The following SAAL1 variants were observed in gnomAD, a reference collection of about 807,000 sequenced individuals.
The protein encoded by SAAL1 is serum amyloid A like 1, also known as protein SAAL1.
In SAAL1, 42 loss-of-function variants were observed where a neutral mutation model predicts 59.8. The ratio of observed to expected loss-of-function variants is 0.70; its 90% CI spans 0.55 to 0.91. The LOEUF (loss-of-function observed/expected upper bound fraction) is 0.91. Among genes scored for constraint, SAAL1 ranks in the 40% least tolerant of loss-of-function variants. SAAL1 has a pLI of 0.00. For missense variants in SAAL1, 542 were observed against 561.1 expected, an observed-to-expected ratio of 0.97 and a Z score of 0.34; for synonymous variants, 191 against 194.3, an observed-to-expected ratio of 0.98 and a Z score of 0.14.
intron 4 of SAAL1, 74 bp downstream of exon 4, chr11:18,092,171 T>C (rs1848529571): frequency 1.3e-6 from 1 of 761,378 alleles, no homozygotes; most frequent in South Asian, 1.8e-5. Context: ...ATTTGCTACT[T>C]TTCCTATGTA....
chr11:18,103,197 C>T lies in SAAL1; in HGVS notation c.249+36G>A, dbSNP rs573081476. On this transcript the variant is annotated intron_variant, in intron 2 of 11. Transcript: ENST00000524803. The stretch of plus-strand genomic sequence containing the variant: ...AAACATTCATTCACCATCTCCTCAC[C>T]CAACAGTCTTCAGAGTTTTGTTTCC... 8.0e-6 allele frequency: 11 copies of T among 1,377,872 alleles called. 1 individual carries two copies. The highest frequency in any genetic ancestry group is 6.7e-5 in the Admixed American group (4 of 59,724). 85.4% of individuals were successfully genotyped at this position (1,377,872 alleles called of 1,614,324 possible).
chr11:18,093,049 T>C (rs1848538373), intron 3 of SAAL1, among the ~76,000 whole-genome samples: 1 of 152,190 alleles, frequency 6.6e-6, no homozygotes, highest in African/African-American at 2.4e-5. Context: ...TCTTGCACCG[T>C]CTCACCCAGG....
chr11:18,093,160 T>C (rs1156614343), intron 3 of SAAL1, among the ~76,000 whole-genome samples: 1 of 152,180 alleles, frequency 6.6e-6, no homozygotes, highest in Non-Finnish European at 1.5e-5. Flanking sequence ...CATCGGGATA[T>C]CTCACAGGGC....
At chr11:18,082,187 A>T (rs944981281) in intron 10 of SAAL1, among the ~76,000 whole-genome samples, 1 of 152,204 alleles carries the variant, frequency 6.6e-6, no homozygotes, top group Non-Finnish European at 1.5e-5. Flanking sequence ...AAAAACAGAA[A>T]CAACAGCAAA....
intron 3 of SAAL1, among the ~76,000 whole-genome samples, chr11:18,094,997 A>G (rs1018207941): frequency 4.6e-5 from 7 of 152,166 alleles, no homozygotes; most frequent in Admixed American, 2.6e-4. Flanking sequence ...AAGATTTTCA[A>G]AAGTTCCCTA....
At chr11:18,086,497 G>C (rs1451269210) in intron 9 of SAAL1, among the ~76,000 whole-genome samples, 1 of 152,064 alleles carries the variant, frequency 6.6e-6, no homozygotes, top group Non-Finnish European at 1.5e-5. Context: ...TCGGGAGTTC[G>C]AGCCCAGCCT....
At chr11:18,101,716 T>C (rs1848635909) in intron 2 of SAAL1, among the ~76,000 whole-genome samples, 1 of 152,036 alleles carries the variant, frequency 6.6e-6, no homozygotes, top group South Asian at 2.1e-4. Context: ...TATACAAAAG[T>C]TCACAACAGC....
intron 2 of SAAL1, among the ~76,000 whole-genome samples, chr11:18,101,243 T>G (rs1848630041): frequency 6.6e-6 from 1 of 151,716 alleles, no homozygotes; most frequent in Admixed American, 6.5e-5. Flanking sequence ...AAGTTAAGCA[T>G]ACACCTACCG....
At chr11:18,096,719 T>C (rs1590289773) in intron 3 of SAAL1, 52 bp downstream of exon 3, 1 of 911,704 alleles carries the variant, frequency 1.1e-6, no homozygotes. Context: ...TATCCAGCAC[T>C]ATCTGTTCTT....
chr11:18,085,967 C>T (rs548157988), intron 9 of SAAL1, among the ~76,000 whole-genome samples: 94 of 152,260 alleles, frequency 6.2e-4, no homozygotes, highest in African/African-American at 2.2e-3. Context: ...GTCATAAAAA[C>T]AATTCTGTGA....
Position 18,083,519 on chromosome 11 carries a change from A to C in SAAL1, c.1239+16T>G. ...ACTTTCTTTTGCTTATGACATCATC[A>C]ATACTTCTTTCCTACCTTTGTTAAT... On this transcript the variant is annotated intron_variant, in intron 10 of 11. Transcript: ENST00000524803. The C allele has an allele frequency of 1.3e-6, 2 of 1,482,338 alleles. No individual in the cohort carries two copies. The highest frequency in any genetic ancestry group is 1.9e-6 in the Non-Finnish European group (2 of 1,069,998). The allele number at this position is 1,482,338 out of a possible 1,614,324, so 91.8% of individuals were successfully genotyped here.
intron 3 of SAAL1, among the ~76,000 whole-genome samples, chr11:18,092,533 C>T (rs1848532898): frequency 6.6e-6 from 1 of 152,082 alleles, no homozygotes; most frequent in Non-Finnish European, 1.5e-5. Context: ...CAAGAAAGGG[C>T]AAAGGCAGGA....
At chr11:18,103,131 G>T in intron 2 of SAAL1, 102 bp downstream of exon 2, 1 of 788,686 alleles carries the variant, frequency 1.3e-6, no homozygotes, top group South Asian at 1.5e-5. Flanking sequence ...ACAGACAGGA[G>T]ATAAAGCCTT....
chr11:18,105,773 A>C, intron 1 of SAAL1, 134 bp downstream of exon 1: 1 of 1,166,782 alleles, frequency 8.6e-7, no homozygotes, highest in Non-Finnish European at 1.2e-6. Flanking sequence ...GCAAGGAGCA[A>C]GGTCCCGCAG....
At chr11:18,105,173 GTTTT>G (rs1182942994) in intron 1 of SAAL1, among the ~76,000 whole-genome samples, 1 of 151,754 alleles carries the variant, frequency 6.6e-6, no homozygotes, top group East Asian at 1.9e-4. Flanking sequence ...AGGAAGCTGC[GTTTT>G]TTGTTTTTTT....
intron 2 of SAAL1, among the ~76,000 whole-genome samples, chr11:18,102,127 T>C (rs376384159): frequency 5.7e-3 from 874 of 152,176 alleles, no homozygotes; most frequent in South Asian, 9.8e-3. Context: ...ATTGGCTGGG[T>C]GCGGTGACTC....
intron 4 of SAAL1, among the ~76,000 whole-genome samples, chr11:18,091,203 G>A (rs1364046056): frequency 2.6e-5 from 4 of 152,136 alleles, no homozygotes; most frequent in Non-Finnish European, 4.4e-5. Context: ...TGCCCACTAT[G>A]AGCTGGTCAC....
At chr11:18,103,097 C>T in intron 2 of SAAL1, 136 bp downstream of exon 2, 2 of 642,038 alleles carry the variant, frequency 3.1e-6, no homozygotes, top group East Asian at 2.7e-5. Context: ...GATCTCATTC[C>T]CTATATCATA....
intron 9 of SAAL1, 159 bp downstream of exon 9, chr11:18,086,707 A>G (rs1848467249): frequency 4.7e-6 from 2 of 423,354 alleles, no homozygotes; most frequent in East Asian, 3.9e-5. Flanking sequence ...TTTCCAAAAA[A>G]TAAAAATCAA....
Sources: allele counts gnomAD v4.1 joint callset (sites outside exome capture counted in the v4.1 genomes callset), GRCh38; gene constraint gnomAD v4.1.1; transcripts MANE v1.5; gene names NCBI Gene and HGNC (gene_info 2026-07-23, HGNC 2026-07-21).